ZMAT4: variants seen among roughly 807,000 people sequenced by gnomAD.
ZMAT4 encodes the protein zinc finger matrin-type protein 4.
ZMAT4 carries 17 observed loss-of-function variants against 28.7 expected under a neutral mutation model. That is an observed-to-expected ratio of 0.59 (90% CI 0.41 to 0.89). The LOEUF (loss-of-function observed/expected upper bound fraction) is 0.89. Among genes scored for constraint, ZMAT4 ranks in the 40% least tolerant of loss-of-function variants. ZMAT4 has a pLI of 0.00. For missense variants in ZMAT4, 240 were observed against 283.8 expected (o/e 0.85, Z 1.11); for synonymous variants, 117 against 109.2 (o/e 1.07, Z -0.44).
rs533925305 is a variant in ZMAT4 at position 40,703,185 on chromosome 8, T to C, written c.193-5784A>G. On this transcript the variant is annotated intron_variant, in intron 3 of 6. Transcript: ENST00000297737. ...GCTAATTCAGTGTTGATGACAACTT[T>C]ATAGAACATAGCTACTGTGGAAAAT... Among the ~76,000 whole-genome samples the C allele has an allele frequency of 1.8e-4, 28 of 152,318 alleles. 1 individual carries two copies. The South Asian group carries it at 5.6e-3, about 30-fold the overall frequency.
chr8:40,829,633 C>T (rs754112906), intron 1 of ZMAT4, among the ~76,000 whole-genome samples: 3 of 152,140 alleles, frequency 2.0e-5, no homozygotes, highest in Admixed American at 6.5e-5. Context: ...TCTTGCTGAG[C>T]TACTGAGTAA....
intron 1 of ZMAT4, among the ~76,000 whole-genome samples, chr8:40,843,530 C>T (rs2150628612): frequency 6.6e-6 from 1 of 152,318 alleles, no homozygotes; most frequent in African/African-American, 2.4e-5. Flanking sequence ...CTTCCTCTTC[C>T]CACTGGACTA....
intron 3 of ZMAT4, among the ~76,000 whole-genome samples, chr8:40,730,782 C>T (rs947383088): frequency 1.3e-5 from 2 of 152,178 alleles, no homozygotes; most frequent in Non-Finnish European, 2.9e-5. Context: ...GTAGGAAATT[C>T]CTGGAATCTG....
chr8:40,667,300 C>T (rs1218054369), intron 5 of ZMAT4, among the ~76,000 whole-genome samples: 1 of 152,004 alleles, frequency 6.6e-6, no homozygotes, highest in African/African-American at 2.4e-5. Flanking sequence ...GGACTATAGG[C>T]GCCCGCCACC....
At chr8:40,841,318 A>C (rs763520221) in intron 1 of ZMAT4, among the ~76,000 whole-genome samples, 4 of 152,224 alleles carry the variant, frequency 2.6e-5, no homozygotes, top group African/African-American at 7.2e-5. Context: ...ATGTAAATGC[A>C]TCTGGGACCA....
chr8:40,611,037 G>A (rs1805776832), intron 5 of ZMAT4, among the ~76,000 whole-genome samples: 1 of 151,728 alleles, frequency 6.6e-6, no homozygotes, highest in South Asian at 2.1e-4. Flanking sequence ...TCTGAGAACA[G>A]TGGTCTGTGC....
intron 5 of ZMAT4, among the ~76,000 whole-genome samples, chr8:40,618,293 T>C (rs1354519403): frequency 5.3e-5 from 8 of 152,226 alleles, no homozygotes; most frequent in Non-Finnish European, 1.2e-4. Flanking sequence ...CCTGTTCTTC[T>C]GTAATGGGGT....
chr8:40,582,831 A>T (rs575738904), intron 5 of ZMAT4, among the ~76,000 whole-genome samples: 10 of 152,260 alleles, frequency 6.6e-5, no homozygotes, highest in South Asian at 2.1e-4. Context: ...TGCTATTTTT[A>T]CTATTTTGAA....
At chr8:40,653,379 A>G (rs1388188373) in intron 5 of ZMAT4, among the ~76,000 whole-genome samples, 3 of 152,214 alleles carry the variant, frequency 2.0e-5, no homozygotes, top group East Asian at 1.9e-4. Flanking sequence ...AAAAAACTCA[A>G]TGAAAGCAGA....
chr8:40,585,874 G>A (rs947209938), intron 5 of ZMAT4, among the ~76,000 whole-genome samples: 2 of 152,146 alleles, frequency 1.3e-5, no homozygotes, highest in African/African-American at 4.8e-5. Flanking sequence ...TCAGGCTACA[G>A]GCTAATCAAA....
intron 1 of ZMAT4, among the ~76,000 whole-genome samples, chr8:40,879,003 A>G (rs895458290): frequency 6.6e-6 from 1 of 152,144 alleles, no homozygotes; most frequent in Non-Finnish European, 1.5e-5. Flanking sequence ...GCACTTGGGG[A>G]GTCTACCCTG....
At chr8:40,696,452 C>T (rs766150984) in intron 4 of ZMAT4, among the ~76,000 whole-genome samples, 11 of 152,272 alleles carry the variant, frequency 7.2e-5, no homozygotes, top group South Asian at 2.1e-4. Context: ...CCATGAAATA[C>T]GCCCCCAACT....
At position 40,756,170 on chromosome 8, in the gene ZMAT4, C is replaced by T. The variant is rs145408041; in HGVS notation, c.192+11471G>A. 3.7e-3 allele frequency among the ~76,000 whole-genome samples: 565 copies of T among 152,008 alleles called. 5 individuals carry two copies. The highest frequency in any genetic ancestry group is 0.02 in the Middle Eastern group (6 of 294). On this transcript the variant is annotated intron_variant, in intron 3 of 6. Coordinates refer to ENST00000297737, the MANE Select transcript of ZMAT4 (RefSeq NM_024645.3). Reference sequence around the variant, plus strand: ...CTGGATGCTTAAAGTTATTCTCATGCCTCTGGCATACAGAGCAGACTCTCA... The same window carrying T: ...CTGGATGCTTAAAGTTATTCTCATGTCTCTGGCATACAGAGCAGACTCTCA...
chr8:40,894,760 A>G (rs1818812281), intron 1 of ZMAT4, among the ~76,000 whole-genome samples: 2 of 151,310 alleles, frequency 1.3e-5, no homozygotes, highest in South Asian at 4.2e-4. Context: ...ACAGGAAGGG[A>G]ATTCACACAT....
At chr8:40,881,433 G>GAGAAAGAAAGAAGAA in intron 1 of ZMAT4, among the ~76,000 whole-genome samples, 1 of 70,228 alleles carries the variant, frequency 1.4e-5, no homozygotes, top group Non-Finnish European at 2.6e-5. Context: ...AGAAGAAAGA[G>GAGAAAGAAAGAAGAA]AGAAAGAAAG....
chr8:40,601,709 G>GA (rs1308895970), intron 5 of ZMAT4, among the ~76,000 whole-genome samples: 2 of 39,994 alleles, frequency 5.0e-5, no homozygotes, highest in Non-Finnish European at 8.0e-5. Context: ...AGAAAGAAAA[G>GA]AAAGAAAGAA....
chr8:40,840,672 T>C (rs923155801), intron 1 of ZMAT4, among the ~76,000 whole-genome samples: 1 of 152,170 alleles, frequency 6.6e-6, no homozygotes, highest in Non-Finnish European at 1.5e-5. Context: ...ATTGTCTGAG[T>C]AGCATTTATG....
chr8:40,628,023 A>G lies in ZMAT4; in HGVS notation c.577+46681T>C, dbSNP rs1806437890. ...AAATGTCTGCTCACAGAGAAGAGGA[A>G]AAAAGTGTTCTGTAGGGACACACAG... On this transcript the variant is annotated intron_variant, in intron 5 of 6. Coordinates refer to ENST00000297737, the MANE Select transcript of ZMAT4 (RefSeq NM_024645.3). 3.3e-5 allele frequency among the ~76,000 whole-genome samples: 5 copies of G among 152,238 alleles called. No individual in the cohort carries two copies. In the South Asian group the frequency reaches 1.0e-3, roughly 32 times the overall value.
chr8:40,568,718 A>T (rs1417775302), intron 6 of ZMAT4, among the ~76,000 whole-genome samples: 2 of 152,202 alleles, frequency 1.3e-5, no homozygotes, highest in African/African-American at 2.4e-5. Flanking sequence ...AAACTAAGCC[A>T]TAATGAGGTA....
Sources: allele counts gnomAD v4.1 joint callset (sites outside exome capture counted in the v4.1 genomes callset), GRCh38; gene constraint gnomAD v4.1.1; transcripts MANE v1.5; gene names NCBI Gene and HGNC (gene_info 2026-07-23, HGNC 2026-07-21).